B4GALNT2: variants seen among roughly 807,000 people sequenced by gnomAD.
The protein encoded by B4GALNT2 is N-acetylneuraminylgalactosylglucosyl-glucoside beta-1,4-N- acetylgalactosaminyltransferase 2.
In B4GALNT2, 42 loss-of-function variants were observed where a neutral mutation model predicts 51.1. The ratio of observed to expected loss-of-function variants is 0.82; its 90% confidence interval spans 0.64 to 1.06. The LOEUF (loss-of-function observed/expected upper bound fraction) is 1.06. Among genes scored for constraint, B4GALNT2 ranks in the 50% least tolerant of loss-of-function variants. The pLI is 0.00. For missense variants in B4GALNT2, 602 were observed against 633.6 expected (o/e 0.95, Z 0.54); for synonymous variants, 253 against 251.7 (o/e 1.01, Z -0.05).
chr17:49,166,397 A>ATTTTTTAATG, intron 9 of B4GALNT2, 143 bp downstream of exon 9: 1 of 956,670 alleles, frequency 1.0e-6, no homozygotes, highest in Admixed American at 2.7e-5. Context: ...GCAGGAGGTG[A>ATTTTTTAATG]ATAGGCCAGT....
chr17:49,158,510 T>C (rs1314381943), intron 5 of B4GALNT2, among the ~76,000 whole-genome samples: 3 of 151,986 alleles, frequency 2.0e-5, no homozygotes, highest in African/African-American at 7.3e-5. Context: ...TGGTGGCTCA[T>C]GCCTGTAATC....
rs544586249 is a variant in B4GALNT2, at chr17:49,154,473, T to A, written c.460+1567T>A. Among the ~76,000 whole-genome samples, 3 of 151,786 alleles carry A rather than the reference T, an allele frequency of 2.0e-5. No individual in the cohort carries two copies. The East Asian group carries it at 5.8e-4, about 29-fold the overall frequency. On this transcript the variant is annotated intron_variant, in intron 4 of 10. Coordinates refer to ENST00000393354, the MANE Select transcript of B4GALNT2 (RefSeq NM_001159387.2). ...CAGATGTCCCCTCCCAGTGCAGAGA[T>A]GTTGGATTCTGTGGGTCTGTCCAGT... is the stretch of plus-strand genomic sequence containing the variant.
chr17:49,172,176 G>T lies in B4GALNT2; in HGVS notation c.*2448G>T. ...TGTCCCCAGGTAGGTGGCTGTGTTC[G>T]ACAGCTGTTGCTCATGATAGTTGGG... On this transcript the variant is annotated 3_prime_UTR_variant, in exon 11 of 11. Coordinates refer to ENST00000393354, the MANE Select transcript of B4GALNT2 (RefSeq NM_001159387.2). The T allele has an allele frequency of 7.5e-6, 2 of 267,648 alleles. No homozygotes were observed. The highest frequency in any genetic ancestry group is 2.9e-4 in the South Asian group (2 of 6,810). 16.6% of individuals were successfully genotyped at this position (267,648 alleles called of 1,614,324 possible). A position where few individuals can be genotyped will look rare whatever the true frequency, so the allele number is the denominator to read the frequency against.
intron 3 of B4GALNT2, among the ~76,000 whole-genome samples, chr17:49,147,031 A>G (rs563347810): frequency 3.9e-5 from 6 of 152,336 alleles, no homozygotes; most frequent in Non-Finnish European, 5.9e-5. Flanking sequence ...TCTTCGTTAC[A>G]TGTTGGATGA....
At position 49,142,075 on chromosome 17, in the gene B4GALNT2, GAGC is replaced by G. The variant is rs1230580939; in HGVS notation, c.259_261del (p.Gln87del). The G allele has an allele frequency of 1.2e-6, 2 of 1,613,996 alleles. No homozygotes were observed. ...TCAGTGCAAATGTGAAGCCAACAAA[GAGC>G]AGGGAGGTTACAACTTTCAGGATGC... On this transcript the variant is annotated inframe_deletion, in exon 3 of 11. Coordinates refer to ENST00000393354, the MANE Select transcript of B4GALNT2 (RefSeq NM_001159387.2).
At chr17:49,152,683 C>A in intron 3 of B4GALNT2, 117 bp from the exon 4 acceptor site, 1 of 696,490 alleles carries the variant, frequency 1.4e-6, no homozygotes, top group Non-Finnish European at 2.3e-6. Flanking sequence ...CAGGGACAAC[C>A]CAATTTTGAT....
chr17:49,131,860 T>C (rs1335781933), upstream of B4GALNT2, among the ~76,000 whole-genome samples: 1 of 152,112 alleles, frequency 6.6e-6, no homozygotes, highest in African/African-American at 2.4e-5. Context: ...TTGCCGGTCG[T>C]GGTGGCTCAC....
chr17:49,168,634 G>A, intron 9 of B4GALNT2, 47 bp from the exon 10 acceptor site: 1 of 1,552,718 alleles, frequency 6.4e-7, no homozygotes, highest in Non-Finnish European at 8.8e-7. Context: ...GAGGCAGGAT[G>A]AATATTGATC....
At chr17:49,133,239 C>T in intron 1 of B4GALNT2, 1 of 1,465,692 alleles carries the variant, frequency 6.8e-7, no homozygotes, top group East Asian at 2.9e-5. Flanking sequence ...TGCCCGGGCG[C>T]GGGGACTGCG....
intron 4 of B4GALNT2, among the ~76,000 whole-genome samples, chr17:49,156,220 G>C (rs1300040821): frequency 6.6e-6 from 1 of 152,020 alleles, no homozygotes; most frequent in Non-Finnish European, 1.5e-5. Context: ...CTGTCTCTAT[G>C]GGTTTGGCTA....
At chr17:49,159,858 A>G (rs556653502) in intron 6 of B4GALNT2, among the ~76,000 whole-genome samples, 2 of 152,262 alleles carry the variant, frequency 1.3e-5, no homozygotes, top group African/African-American at 4.8e-5. Flanking sequence ...TTTCCACTGC[A>G]GTAGAGGAGG....
At chr17:49,129,827 C>T (rs1017892460), upstream of B4GALNT2, among the ~76,000 whole-genome samples, 1 of 152,070 alleles carries the variant, frequency 6.6e-6, no homozygotes, top group African/African-American at 2.4e-5. Flanking sequence ...TGTTTCTGGT[C>T]CGAGATGTCA....
intron 1 of B4GALNT2, among the ~76,000 whole-genome samples, chr17:49,138,297 C>T (rs986109800): frequency 9.8e-5 from 15 of 152,312 alleles, no homozygotes; most frequent in Admixed American, 3.3e-4. Flanking sequence ...TTTTGCTAAG[C>T]GCCCAAGAGA....
intron 7 of B4GALNT2, among the ~76,000 whole-genome samples, chr17:49,161,193 T>G (rs1966132): frequency 1 from 150,707 of 151,464 alleles, 74,981 homozygotes; most frequent in East Asian, 1. Flanking sequence ...GAGAATCACT[T>G]GAACCCAGGA....
intron 1 of B4GALNT2, among the ~76,000 whole-genome samples, chr17:49,134,593 A>G (rs1190320449): frequency 1.3e-5 from 2 of 149,650 alleles, no homozygotes; most frequent in Non-Finnish European, 3.0e-5. Flanking sequence ...TTGTTATTTT[A>G]TTTTATTTTT....
intron 1 of B4GALNT2, among the ~76,000 whole-genome samples, chr17:49,134,160 C>T (rs1446549063): frequency 6.6e-6 from 1 of 152,146 alleles, no homozygotes; most frequent in Non-Finnish European, 1.5e-5. Flanking sequence ...GGCAAATCCT[C>T]GGCAAATTTG....
Position 49,156,424 on chromosome 17 carries a change from G to A in B4GALNT2, c.461-142G>A, listed in dbSNP as rs142310239. On this transcript the variant is annotated intron_variant, in intron 4 of 10. Coordinates refer to ENST00000393354, the MANE Select transcript of B4GALNT2 (RefSeq NM_001159387.2). ...AACAGAGCCCTGGGGAGAGGCGCAC[G>A]TGTCAGCAAACACTCTGGGCGGGAG... is the stretch of plus-strand genomic sequence containing the variant. 1.6e-3 allele frequency: 1,266 copies of A among 809,298 alleles called. 14 individuals are homozygous for A. In the African/African-American group the frequency reaches 0.018, roughly 12 times the overall value. The allele number at this position is 809,298 out of a possible 1,614,324, so 50.1% of individuals were successfully genotyped here.
At chr17:49,153,153 G>A (rs1209118565) in intron 4 of B4GALNT2, among the ~76,000 whole-genome samples, 4 of 152,072 alleles carry the variant, frequency 2.6e-5, no homozygotes, top group Non-Finnish European at 5.9e-5. Context: ...GCTCACGCCT[G>A]CCTATAATCC....
intron 1 of B4GALNT2, among the ~76,000 whole-genome samples, chr17:49,136,083 A>C (rs1425444519): frequency 2.3e-5 from 1 of 44,010 alleles, no homozygotes; most frequent in Non-Finnish European, 4.3e-5. Context: ...ACTCTGGATC[A>C]AAAAAAAAAA....
Sources: gnomAD v4.1 joint callset for allele counts (sites outside exome capture counted in the v4.1 genomes callset) on GRCh38, gnomAD v4.1.1 for gene constraint, MANE v1.5 for transcripts, NCBI Gene and HGNC (gene_info 2026-07-23, HGNC 2026-07-21) for gene names.